KIF25: variants seen among roughly 807,000 people sequenced by gnomAD.
KIF25 encodes the protein kinesin-like protein KIF25.
Under a neutral mutation model 32.9 loss-of-function variants are expected in KIF25, and 19 were observed. The ratio of observed to expected loss-of-function variants is 0.58; its 90% confidence interval spans 0.40 to 0.85. The LOEUF (loss-of-function observed/expected upper bound fraction) is 0.85, where lower values mean the gene tolerates loss of function less well. Ranked by LOEUF, KIF25 falls within the 40% of genes least tolerant of loss-of-function variation. The pLI, the probability that KIF25 is intolerant of heterozygous loss-of-function variation, is 0.00. For synonymous variants in KIF25, 225 were observed against 213.7 expected, an observed-to-expected ratio of 1.05 and a Z score of -0.46; for missense variants, 485 against 507.0, an observed-to-expected ratio of 0.96 and a Z score of 0.42.
chr6:168,018,822 C>G (rs1289007758), intron 5 of KIF25, among the ~76,000 whole-genome samples: 2 of 152,204 alleles, frequency 1.3e-5, no homozygotes, highest in African/African-American at 4.8e-5. Context: ...TTCCTCTCCC[C>G]GGCAGCAGCC....
chr6:168,034,084 G>A (rs1171196883), intron 8 of KIF25, 53 bp downstream of exon 8: 19 of 1,595,732 alleles, frequency 1.2e-5, no homozygotes, highest in East Asian at 2.2e-5. Context: ...GAAGCCAGGC[G>A]GTCAGCACCT....
chr6:168,006,305 G>A (rs1342295598), intron 4 of KIF25, among the ~76,000 whole-genome samples: 1 of 151,904 alleles, frequency 6.6e-6, no homozygotes, highest in Non-Finnish European at 1.5e-5. Context: ...GCCTCCCAAA[G>A]TGCTAGGATT....
In KIF25 at chr6:168,040,199, C is replaced by T; in HGVS notation, c.629C>T (p.Ser210Phe). The change falls in exon 10 of 13, where the codon TCC becomes TTC. Residue 210 changes from serine to phenylalanine, a missense_variant. Coordinates refer to ENST00000643607, the MANE Select transcript of KIF25 (RefSeq NM_030615.4). Reference sequence around the variant, plus strand: ...ATTACGGTGACTCTAACCACAGCCTCCTGCTCTGACAGCACTGGTAAGTCA... The same window carrying T: ...ATTACGGTGACTCTAACCACAGCCTTCTGCTCTGACAGCACTGGTAAGTCA... ...LIITVTLTTA[S>F]CSDSTADQAC... 1 of 1,613,150 alleles carries T rather than the reference C, an allele frequency of 6.2e-7. No individual in the cohort carries two copies. The highest frequency in any genetic ancestry group is 8.5e-7 in the Non-Finnish European group (1 of 1,179,650).
intron 7 of KIF25, among the ~76,000 whole-genome samples, chr6:168,033,499 CAA>C (rs56253243): frequency 0.057 from 6,508 of 113,740 alleles, 135 homozygotes; most frequent in African/African-American, 0.063. Flanking sequence ...GAATCCGTCT[CAA>C]AAAAAAAAAA....
intron 5 of KIF25, among the ~76,000 whole-genome samples, chr6:168,028,570 G>A (rs891936793): frequency 1.4e-5 from 2 of 145,366 alleles, no homozygotes; most frequent in African/African-American, 5.0e-5. Flanking sequence ...TTCTATTCTC[G>A]TTCTTTTATT....
At chr6:168,040,564 T>TAAA (rs552500284) in intron 10 of KIF25, among the ~76,000 whole-genome samples, 3,147 of 145,910 alleles carry the variant, frequency 0.022, 126 homozygotes, top group African/African-American at 0.075. Flanking sequence ...AAAACTCTGT[T>TAAA]AAAAAAAAAA....
intron 4 of KIF25, among the ~76,000 whole-genome samples, chr6:168,008,709 A>C (rs927273694): frequency 4.6e-5 from 7 of 152,018 alleles, no homozygotes; most frequent in Non-Finnish European, 1.0e-4. Flanking sequence ...CTTGAGCATG[A>C]GATGTCTTTC....
At chr6:168,036,689 G>C (rs1799030426) in intron 8 of KIF25, among the ~76,000 whole-genome samples, 1 of 152,214 alleles carries the variant, frequency 6.6e-6, no homozygotes, top group Admixed American at 6.5e-5. Flanking sequence ...ACACATAAAT[G>C]ATGGGCCCAA....
chr6:168,003,676 T>C lies in KIF25; in HGVS notation c.-190T>C, dbSNP rs1798536018. 1 of 152,228 alleles carries C rather than the reference T, an allele frequency of 6.6e-6. No individual in the cohort carries two copies. The highest frequency in any genetic ancestry group is 1.5e-5 in the Non-Finnish European group (1 of 68,040). The allele number at this position is 152,228 out of a possible 1,614,324, so 9.4% of individuals were successfully genotyped here. On this transcript the variant is annotated 5_prime_UTR_variant, in exon 4 of 13. Coordinates refer to ENST00000643607, the MANE Select transcript of KIF25 (RefSeq NM_030615.4). ...CTGAGTCTACAAGTTTCCTCACAAATTGTATTCAGAGAGCAGCTTCCTGCT... is the reference window on the plus strand; with the variant it reads ...CTGAGTCTACAAGTTTCCTCACAAACTGTATTCAGAGAGCAGCTTCCTGCT...
chr6:168,002,251 G>T (rs1369152316), intron 2 of KIF25, among the ~76,000 whole-genome samples: 1 of 111,500 alleles, frequency 9.0e-6, no homozygotes, highest in Non-Finnish European at 2.0e-5. Flanking sequence ...GACACCTGAG[G>T]CATGGCCTCG....
chr6:168,015,065 G>A (rs143352421), intron 4 of KIF25, among the ~76,000 whole-genome samples: 6 of 152,316 alleles, frequency 3.9e-5, no homozygotes, highest in South Asian at 2.1e-4. Context: ...ATTTTTAATG[G>A]TCAGAGACTG....
intron 5 of KIF25, among the ~76,000 whole-genome samples, chr6:168,020,359 C>T (rs989704809): frequency 1.3e-5 from 2 of 152,012 alleles, no homozygotes; most frequent in African/African-American, 4.8e-5. Context: ...AAGACATTTC[C>T]AGACATGGGA....
At chr6:168,044,622 C>T (rs866719740) in intron 12 of KIF25, among the ~76,000 whole-genome samples, 8 of 151,154 alleles carry the variant, frequency 5.3e-5, no homozygotes, top group South Asian at 2.1e-4. Context: ...CTGACCCTCC[C>T]GGACCCGGGT....
intron 12 of KIF25, 40 bp from the exon 13 acceptor site, chr6:168,044,787 C>A: frequency 6.5e-7 from 1 of 1,541,942 alleles, no homozygotes. Context: ...TCAGATGCTG[C>A]TCTTCTTTCC....
rs1029466334 is a variant in KIF25 at position 167,998,184 on chromosome 6, C to A, written c.-1285C>A. Reference sequence around the variant, plus strand: ...AGCTTTTTTTTTTTTTAATCTGGAGCATGAAAAAGATAATATGAACCTTCC... The same window carrying A: ...AGCTTTTTTTTTTTTTAATCTGGAGAATGAAAAAGATAATATGAACCTTCC... On this transcript the variant is annotated 5_prime_UTR_variant, in exon 1 of 13. Coordinates refer to ENST00000643607, the MANE Select transcript of KIF25 (RefSeq NM_030615.4). 2 of 151,160 alleles carry A rather than the reference C, an allele frequency of 1.3e-5. No individual in the cohort carries two copies. The highest frequency in any genetic ancestry group is 4.9e-5 in the African/African-American group (2 of 41,018). The allele number at this position is 151,160 out of a possible 1,614,324, so 9.4% of individuals were successfully genotyped here. A position where few individuals can be genotyped will look rare whatever the true frequency, so the allele number is the denominator to read the frequency against.
At chr6:168,038,403 G>A (rs1799060995) in intron 8 of KIF25, 150 bp from the exon 9 acceptor site, 1 of 693,122 alleles carries the variant, frequency 1.4e-6, no homozygotes, top group Non-Finnish European at 2.5e-6. Flanking sequence ...ATTTCCCTGA[G>A]TGATCTTCGG....
intron 4 of KIF25, among the ~76,000 whole-genome samples, chr6:168,004,956 C>G (rs1402520129): frequency 6.6e-6 from 1 of 152,200 alleles, no homozygotes; most frequent in Non-Finnish European, 1.5e-5. Context: ...ATCTGCCAAG[C>G]CAGAATGCGG....
chr6:168,033,982 C>T lies in KIF25; in HGVS notation c.268C>T (p.Pro90Ser), dbSNP rs137976934. The change falls in exon 8 of 13, where the codon CCA becomes TCA. Residue 90 changes from proline to serine, a missense_variant. By Grantham distance (74) the Pro-to-Ser change is moderately conservative (BLOSUM62 -1). Coordinates refer to ENST00000643607, the MANE Select transcript of KIF25 (RefSeq NM_030615.4). ...CGACGGCCCTGTTCTGCCGCTTGAC[C>T]CACAGAGTGACTTAGGAATTATCCC... is the stretch of plus-strand genomic sequence containing the variant. ...SDDGPVLPLD[P>S]QSDLGIIPRV... 2.5e-6 allele frequency: 4 copies of T among 1,614,020 alleles called. No individual in the cohort carries two copies. Among genetic ancestry groups the T allele is most frequent in the Non-Finnish European group, 3.4e-6 (4 of 1,180,046 alleles).
At chr6:168,042,906 T>G (rs58330333) in intron 12 of KIF25, among the ~76,000 whole-genome samples, 190 bp downstream of exon 12, 3 of 152,182 alleles carry the variant, frequency 2.0e-5, no homozygotes, top group Admixed American at 6.5e-5. Context: ...TTGGCCTGAT[T>G]GTGTGCTTGT....
Sources: allele counts gnomAD v4.1 joint callset (sites outside exome capture counted in the v4.1 genomes callset), GRCh38; gene constraint gnomAD v4.1.1; transcripts MANE v1.5; gene names NCBI Gene and HGNC (gene_info 2026-07-23, HGNC 2026-07-21).